The following C12orf42 variants were observed in gnomAD, a reference collection of about 807,000 sequenced individuals.
C12orf42 encodes the protein uncharacterized protein C12orf42.
In C12orf42, 25 loss-of-function variants were observed where a neutral mutation model predicts 21.6. The ratio of observed to expected loss-of-function variants is 1.16; its 90% confidence interval spans 0.84 to 1.62. The LOEUF (loss-of-function observed/expected upper bound fraction) is 1.62. C12orf42 is among the 40% of genes most tolerant of loss of function. C12orf42 has a pLI of 0.00. For synonymous variants in C12orf42, 174 were observed against 175.0 expected, an observed-to-expected ratio of 0.99 and a Z score of 0.05; for missense variants, 483 against 459.3, an observed-to-expected ratio of 1.05 and a Z score of -0.47.
intron 3 of C12orf42, among the ~76,000 whole-genome samples, chr12:103,374,352 C>T (rs925056373): frequency 1.3e-5 from 2 of 152,012 alleles, no homozygotes; most frequent in Admixed American, 6.6e-5. Context: ...TCAGAACCAG[C>T]GAGATATAAT....
the C12orf42 span, among the ~76,000 whole-genome samples, chr12:103,162,128 T>C: frequency 6.6e-6 from 1 of 152,194 alleles, no homozygotes; most frequent in Non-Finnish European, 1.5e-5. Flanking sequence ...AGATTGATGA[T>C]CCTCATTCTA....
intron 4 of C12orf42, among the ~76,000 whole-genome samples, chr12:103,310,699 C>T (rs1164249594): frequency 1.3e-5 from 2 of 152,216 alleles, no homozygotes; most frequent in Non-Finnish European, 2.9e-5. Context: ...TGTGCAAGCA[C>T]ATTTTAGAAC....
At chr12:103,195,702 T>A in the C12orf42 span, among the ~76,000 whole-genome samples, 1 of 152,118 alleles carries the variant, frequency 6.6e-6, no homozygotes, top group Non-Finnish European at 1.5e-5. Flanking sequence ...GTCAGATGTA[T>A]GGTTTGCAAA....
At chr12:103,077,802 G>T in the C12orf42 span, among the ~76,000 whole-genome samples, 97 of 152,190 alleles carry the variant, frequency 6.4e-4, no homozygotes, top group African/African-American at 2.2e-3. Context: ...GTTCCATCTG[G>T]GTCATTAGCA....
chr12:103,168,028 C>G, the C12orf42 span: 1 of 455,076 alleles, frequency 2.2e-6, no homozygotes, highest in African/African-American at 2.0e-5. Flanking sequence ...GTACATGCAT[C>G]TCTTTATAGG....
chr12:103,172,228 G>A, the C12orf42 span, among the ~76,000 whole-genome samples: 37 of 152,070 alleles, frequency 2.4e-4, 2 homozygotes, highest in South Asian at 5.2e-3. Flanking sequence ...AACAGAATAG[G>A]GTAATATGCA....
the C12orf42 span, chr12:103,168,151 G>T: frequency 2.2e-6 from 1 of 451,566 alleles, no homozygotes; most frequent in Non-Finnish European, 4.4e-6. Context: ...AAGACCCAGG[G>T]CATATCATCT....
chr12:103,513,055 T>G, the C12orf42 span, among the ~76,000 whole-genome samples: 1 of 151,416 alleles, frequency 6.6e-6, no homozygotes, highest in Non-Finnish European at 1.5e-5. Context: ...CAGCCCAGCA[T>G]TCCACTGCTC....
intron 4 of C12orf42, among the ~76,000 whole-genome samples, chr12:103,295,152 T>C (rs1442103857): frequency 6.6e-6 from 1 of 152,210 alleles, no homozygotes; most frequent in Non-Finnish European, 1.5e-5. Context: ...TGGAGCATTC[T>C]TCTTGAGGTT....
chr12:103,162,639 A>C, the C12orf42 span: 2 of 152,102 alleles, frequency 1.3e-5, no homozygotes, highest in Admixed American at 1.3e-4. Flanking sequence ...GTCAACCTGC[A>C]TGACTCCAAA....
chr12:103,148,541 T>C, the C12orf42 span, among the ~76,000 whole-genome samples: 88 of 152,164 alleles, frequency 5.8e-4, no homozygotes, highest in South Asian at 1.4e-3. Flanking sequence ...CCTGAGTCTC[T>C]GGACCATGGA....
chr12:103,416,629 A>T (rs983062398), intron 2 of C12orf42, among the ~76,000 whole-genome samples: 1 of 26,000 alleles, frequency 3.8e-5, no homozygotes, highest in African/African-American at 6.8e-5. Flanking sequence ...CAAGACAGTT[A>T]AAAAAAAAGA....
chr12:103,558,436 T>TG, the C12orf42 span: 1 of 152,254 alleles, frequency 6.6e-6, no homozygotes, highest in Non-Finnish European at 1.5e-5. Flanking sequence ...ATCCAGCCTG[T>TG]CCAGGCCTTT....
At chr12:103,335,105 C>G (rs2041578128) in intron 4 of C12orf42, among the ~76,000 whole-genome samples, 1 of 152,198 alleles carries the variant, frequency 6.6e-6, no homozygotes, top group South Asian at 2.1e-4. Context: ...CCAGTTTTAA[C>G]AGCCAAATGT....
At chr12:103,134,998 AT>A in the C12orf42 span, among the ~76,000 whole-genome samples, 2 of 152,364 alleles carry the variant, frequency 1.3e-5, no homozygotes, top group Admixed American at 1.3e-4. Context: ...AATAAAAAAA[AT>A]AAAACACTGC....
chr12:103,261,567 A>G (rs1369035300), intron 10 of C12orf42, among the ~76,000 whole-genome samples: 1 of 151,818 alleles, frequency 6.6e-6, no homozygotes, highest in Non-Finnish European at 1.5e-5. Flanking sequence ...CGTCTTCCAT[A>G]ATACTTAACA....
At chr12:103,127,059 A>C in the C12orf42 span, among the ~76,000 whole-genome samples, 1 of 152,232 alleles carries the variant, frequency 6.6e-6, no homozygotes, top group Non-Finnish European at 1.5e-5. Context: ...AAATATTGCT[A>C]ACACCAACTG....
At chr12:103,467,736 T>C (rs1330170118) in intron 2 of C12orf42, among the ~76,000 whole-genome samples, 2 of 152,212 alleles carry the variant, frequency 1.3e-5, no homozygotes, top group Non-Finnish European at 1.5e-5. Context: ...TTTAAAAGAT[T>C]TGTTTTTCAA....
chr12:103,413,981 T>C (rs2138970469), intron 2 of C12orf42, among the ~76,000 whole-genome samples: 1 of 152,238 alleles, frequency 6.6e-6, no homozygotes, highest in East Asian at 1.9e-4. Context: ...TGTGAAAATG[T>C]GATTTTCTTT....
Sources: gnomAD v4.1 joint callset for allele counts (sites outside exome capture counted in the v4.1 genomes callset) on GRCh38, gnomAD v4.1.1 for gene constraint, MANE v1.5 for transcripts, NCBI Gene and HGNC (gene_info 2026-07-23, HGNC 2026-07-21) for gene names.